The following BCL2L13 variants were observed in gnomAD, a reference collection of about 807,000 sequenced individuals.
BCL2L13 encodes bcl-2-like protein 13.
A neutral mutation model predicts 25.8 loss-of-function variants in BCL2L13; 13 were observed. The observed-to-expected ratio is 0.50, with a 90% CI of 0.33 to 0.80. BCL2L13 has a LOEUF of 0.80. Ranked by LOEUF, BCL2L13 falls within the 30% of genes least tolerant of loss-of-function variation. The pLI, the probability that BCL2L13 is intolerant of heterozygous loss-of-function variation, is 0.02. For missense variants in BCL2L13, 504 were observed against 574.9 expected, an observed-to-expected ratio of 0.88 and a Z score of 1.26; for synonymous variants, 244 against 230.3, an observed-to-expected ratio of 1.06 and a Z score of -0.54.
At chr22:17,706,875 G>C (rs774806181) in intron 6 of BCL2L13, 1 of 1,313,570 alleles carries the variant, frequency 7.6e-7, no homozygotes, top group Admixed American at 1.9e-5. Flanking sequence ...AATACTTCTT[G>C]TGAAAGATTT....
At chr22:17,646,955 ATTTT>A (rs149460093) in intron 1 of BCL2L13, among the ~76,000 whole-genome samples, 921 of 22,012 alleles carry the variant, frequency 0.042, 5 homozygotes, top group South Asian at 0.08. Context: ...ATATATATAT[ATTTT>A]TTTTTTTTTT....
intron 3 of BCL2L13, among the ~76,000 whole-genome samples, chr22:17,688,038 G>A (rs984354460): frequency 2.0e-5 from 3 of 151,060 alleles, no homozygotes; most frequent in African/African-American, 7.3e-5. Flanking sequence ...AGCTGGTCTC[G>A]AACTCCTGAC....
intron 1 of BCL2L13, among the ~76,000 whole-genome samples, chr22:17,630,228 A>AC (rs1000000965): frequency 8.6e-5 from 13 of 151,744 alleles, no homozygotes; most frequent in South Asian, 6.2e-4. Flanking sequence ...AAAAAAACAA[A>AC]AAAAAAAAAA....
Position 17,719,789 on chromosome 22 carries a change from A to G in BCL2L13, c.601-6888A>G, listed in dbSNP as rs905445343. Among the ~76,000 whole-genome samples, 22 of 145,094 alleles carry G rather than the reference A, an allele frequency of 1.5e-4. 1 individual carries two copies. The highest frequency in any genetic ancestry group is 2.8e-4 in the Non-Finnish European group (19 of 67,228). On this transcript the variant is annotated intron_variant, in intron 6 of 6. Transcript: ENST00000317582. ...GGTTGCAGTGAGCCGAGATCACGCC[A>G]CTGCACTCCAGCCTGGCGAAAGAGT...
chr22:17,706,422 C>G (rs1012407999), intron 6 of BCL2L13, among the ~76,000 whole-genome samples: 3 of 151,794 alleles, frequency 2.0e-5, no homozygotes, highest in African/African-American at 7.3e-5. Context: ...TGCCCCAGCT[C>G]TGCCAAATAC....
chr22:17,638,612 T>G (rs1382019032), upstream of BCL2L13: 32 of 1,150,278 alleles, frequency 2.8e-5, no homozygotes, highest in Non-Finnish European at 3.4e-5. Flanking sequence ...GCTAGGAGGG[T>G]TTGGGTCTTC....
At chr22:17,703,667 G>T (rs952912082) in intron 6 of BCL2L13, 3 of 152,180 alleles carry the variant, frequency 2.0e-5, no homozygotes, top group Middle Eastern at 6.8e-3. Context: ...TACTAATATC[G>T]AACATCCTAG....
chr22:17,685,446 A>G (rs1024046292), intron 3 of BCL2L13, among the ~76,000 whole-genome samples: 3 of 149,610 alleles, frequency 2.0e-5, no homozygotes, highest in African/African-American at 7.4e-5. Context: ...CTGGTCTCCA[A>G]CTCCTGACCT....
At chr22:17,714,612 A>C (rs1402598043) in intron 6 of BCL2L13, among the ~76,000 whole-genome samples, 1 of 152,204 alleles carries the variant, frequency 6.6e-6, no homozygotes, top group African/African-American at 2.4e-5. Flanking sequence ...ATGACTCAAC[A>C]GTAACAAAAG....
At chr22:17,638,458 C>G, upstream of BCL2L13, 1 of 393,384 alleles carries the variant, frequency 2.5e-6, no homozygotes, top group East Asian at 3.6e-5. Context: ...CTGAACATAG[C>G]CTGTGCATGC....
chr22:17,642,252 GACTGTAACTCAGTCTCAGTA>G (rs1050827016), intron 1 of BCL2L13, among the ~76,000 whole-genome samples: 1 of 149,978 alleles, frequency 6.7e-6, no homozygotes. Context: ...AGTAGACTGA[GACTGTAACTCAGTCTCAGTA>G]ACTGTAACTC....
chr22:17,718,087 G>A (rs558834966), intron 6 of BCL2L13, among the ~76,000 whole-genome samples: 8 of 144,676 alleles, frequency 5.5e-5, no homozygotes, highest in Admixed American at 2.1e-4. Context: ...ACCCTGGCTC[G>A]AAAAGAAGAG....
upstream of BCL2L13, chr22:17,638,657 C>A (rs1320142802): frequency 1.1e-5 from 13 of 1,231,238 alleles, no homozygotes; most frequent in Non-Finnish European, 1.2e-5. Context: ...TCCGGGGCCT[C>A]CGTTGGTCGG....
chr22:17,725,489 C>G (rs755407777), intron 6 of BCL2L13, among the ~76,000 whole-genome samples: 2 of 152,226 alleles, frequency 1.3e-5, no homozygotes, highest in Non-Finnish European at 2.9e-5. Context: ...TCTGTGATCT[C>G]CCTGCTTTCT....
chr22:17,693,386 T>C (rs868268034), intron 4 of BCL2L13, among the ~76,000 whole-genome samples: 1 of 134,686 alleles, frequency 7.4e-6, no homozygotes, highest in Non-Finnish European at 1.6e-5. Flanking sequence ...TTTTTTTTTT[T>C]TTTTTTTTTT....
At chr22:17,632,755 T>C (rs915005184) in intron 1 of BCL2L13, among the ~76,000 whole-genome samples, 12 of 148,524 alleles carry the variant, frequency 8.1e-5, no homozygotes, top group South Asian at 2.1e-4. Context: ...TCTTCTTCTT[T>C]TTTTTTTTTT....
chr22:17,679,157 C>A (rs1158530301), intron 2 of BCL2L13, among the ~76,000 whole-genome samples: 1 of 151,998 alleles, frequency 6.6e-6, no homozygotes, highest in Non-Finnish European at 1.5e-5. Flanking sequence ...TCTTGACTTC[C>A]CTGAATGCTT....
intron 2 of BCL2L13, among the ~76,000 whole-genome samples, chr22:17,658,583 A>G (rs2058960425): frequency 6.6e-6 from 1 of 151,392 alleles, no homozygotes; most frequent in South Asian, 2.1e-4. Context: ...AATCCCAGCT[A>G]CTTGGGAGAC....
At chr22:17,683,897 C>T (rs2059831290) in intron 3 of BCL2L13, among the ~76,000 whole-genome samples, 1 of 150,618 alleles carries the variant, frequency 6.6e-6, no homozygotes, top group Non-Finnish European at 1.5e-5. Context: ...ATTTCAGAGA[C>T]AGGGTCTTGC....
Sources: gnomAD v4.1 joint callset for allele counts (sites outside exome capture counted in the v4.1 genomes callset) on GRCh38, gnomAD v4.1.1 for gene constraint, MANE v1.5 for transcripts, NCBI Gene and HGNC (gene_info 2026-07-23, HGNC 2026-07-21) for gene names.